Variants in ANKS1B observed in about 807,000 individuals in gnomAD.
ANKS1B encodes ankyrin repeat and sterile alpha motif domain containing 1B.
ANKS1B carries 36 observed loss-of-function variants against 148.3 expected under a neutral mutation model. The observed-to-expected ratio is 0.24, with a 90% CI of 0.19 to 0.32. The LOEUF (loss-of-function observed/expected upper bound fraction) is 0.32, where lower values mean the gene tolerates loss of function less well. Ranked by LOEUF, ANKS1B falls within the 10% of genes least tolerant of loss-of-function variation. The pLI, the probability that ANKS1B is intolerant of heterozygous loss-of-function variation, is 1.00. For missense variants in ANKS1B, 1,157 were observed against 1,542.6 expected (o/e 0.75, Z 4.19); for synonymous variants, 542 against 560.8 (o/e 0.97, Z 0.47).
At chr12:99,030,802 A>G (rs1165627381) in intron 17 of ANKS1B, among the ~76,000 whole-genome samples, 1 of 152,200 alleles carries the variant, frequency 6.6e-6, no homozygotes, top group South Asian at 2.1e-4. Flanking sequence ...TGATTATCGA[A>G]CTGAATTGAT....
chr12:99,730,958 T>G (rs574809891), intron 8 of ANKS1B, among the ~76,000 whole-genome samples: 1 of 152,302 alleles, frequency 6.6e-6, no homozygotes, highest in Admixed American at 6.5e-5. Flanking sequence ...GTTTTTGAGA[T>G]AGAGTTTCCC....
intron 14 of ANKS1B, among the ~76,000 whole-genome samples, chr12:99,184,893 T>C (rs2079606160): frequency 6.6e-6 from 1 of 152,220 alleles, no homozygotes; most frequent in South Asian, 2.1e-4. Context: ...ATTGCTCTGG[T>C]TAAATGGAAA....
intron 7 of ANKS1B, among the ~76,000 whole-genome samples, chr12:99,775,166 AT>A (rs1490606609): frequency 6.6e-6 from 1 of 152,174 alleles, no homozygotes; most frequent in Non-Finnish European, 1.5e-5. Context: ...AAAATAAAAA[AT>A]AAAAAATACT....
intron 9 of ANKS1B, among the ~76,000 whole-genome samples, chr12:99,617,459 T>C (rs1236263005): frequency 6.6e-6 from 1 of 151,996 alleles, no homozygotes; most frequent in East Asian, 1.9e-4. Flanking sequence ...TATGCAGCCA[T>C]AAAAAAATGA....
At chr12:99,465,377 GCAT>G (rs1372279241) in intron 10 of ANKS1B, among the ~76,000 whole-genome samples, 1 of 152,190 alleles carries the variant, frequency 6.6e-6, no homozygotes, top group African/African-American at 2.4e-5. Context: ...GGAAGAAACT[GCAT>G]CAACTAACGA....
intron 22 of ANKS1B, among the ~76,000 whole-genome samples, chr12:98,783,490 T>C (rs56199185): frequency 0.019 from 2,859 of 152,288 alleles, 47 homozygotes; most frequent in Non-Finnish European, 0.032. Context: ...AGGAGCAATA[T>C]GAACAACATG....
At chr12:98,903,928 A>G (rs939259007) in intron 17 of ANKS1B, among the ~76,000 whole-genome samples, 7 of 152,286 alleles carry the variant, frequency 4.6e-5, no homozygotes, top group Admixed American at 1.3e-4. Flanking sequence ...TTTTTCTTAT[A>G]TCAAGTGAAG....
chr12:99,241,918 T>C (rs997374412), intron 14 of ANKS1B, among the ~76,000 whole-genome samples: 1 of 152,182 alleles, frequency 6.6e-6, no homozygotes, highest in Non-Finnish European at 1.5e-5. Context: ...AAGAGCTATT[T>C]ATGACAAACC....
intron 14 of ANKS1B, among the ~76,000 whole-genome samples, chr12:99,162,799 C>A (rs2076797510): frequency 1.3e-5 from 2 of 152,194 alleles, no homozygotes; most frequent in South Asian, 4.1e-4. Flanking sequence ...TGGTGGCTCA[C>A]GCCTAATCTC....
At chr12:99,416,443 T>C (rs185255239) in intron 11 of ANKS1B, among the ~76,000 whole-genome samples, 1 of 152,246 alleles carries the variant, frequency 6.6e-6, no homozygotes, top group African/African-American at 2.4e-5. Flanking sequence ...TTTTCCAAAA[T>C]TGCTGTACAA....
intron 15 of ANKS1B, among the ~76,000 whole-genome samples, chr12:99,128,029 T>C (rs1276240022): frequency 6.6e-6 from 1 of 152,194 alleles, no homozygotes; most frequent in Non-Finnish European, 1.5e-5. Context: ...TTGAACGACC[T>C]TGGGCAAGTT....
intron 9 of ANKS1B, among the ~76,000 whole-genome samples, chr12:99,651,874 T>A (rs868080410): frequency 3.3e-5 from 5 of 151,860 alleles, no homozygotes; most frequent in African/African-American, 7.2e-5. Flanking sequence ...AAAAACCAGA[T>A]GAATTAAAAA....
At chr12:99,977,428 T>A (rs1356091946) in intron 1 of ANKS1B, among the ~76,000 whole-genome samples, 3 of 152,160 alleles carry the variant, frequency 2.0e-5, no homozygotes, top group African/African-American at 7.2e-5. Context: ...CGATTACAGG[T>A]GTGAGCCACC....
intron 9 of ANKS1B, among the ~76,000 whole-genome samples, chr12:99,592,395 T>G (rs1022803033): frequency 6.6e-6 from 1 of 151,876 alleles, no homozygotes; most frequent in Non-Finnish European, 1.5e-5. Flanking sequence ...AGGTCACTAT[T>G]GGATGGTAAG....
intron 9 of ANKS1B, among the ~76,000 whole-genome samples, chr12:99,583,990 G>A (rs1470571181): frequency 6.6e-6 from 1 of 152,192 alleles, no homozygotes; most frequent in Non-Finnish European, 1.5e-5. Flanking sequence ...CTGAAAAAAT[G>A]AAGTGTATCA....
At chr12:99,944,232 A>C (rs1025898126) in intron 1 of ANKS1B, among the ~76,000 whole-genome samples, 3 of 152,194 alleles carry the variant, frequency 2.0e-5, no homozygotes, top group African/African-American at 7.2e-5. Context: ...CAATAAGGGA[A>C]TTCTTGGGCC....
intron 12 of ANKS1B, among the ~76,000 whole-genome samples, chr12:99,392,731 C>T (rs964418626): frequency 6.6e-6 from 1 of 152,184 alleles, no homozygotes; most frequent in Non-Finnish European, 1.5e-5. Context: ...GAGTTCAGAA[C>T]TCATAAATTC....
At chr12:99,201,921 C>CTTCATTCATTCATTCATTCA (rs150033450) in intron 14 of ANKS1B, among the ~76,000 whole-genome samples, 53 of 151,234 alleles carry the variant, frequency 3.5e-4, no homozygotes, top group Admixed American at 2.9e-3. Flanking sequence ...TAATATTTGA[C>CTTCATTCATTCATTCATTCA]TTCATTCATT....
chr12:98,761,875 C>G (rs2098412651), intron 25 of ANKS1B, among the ~76,000 whole-genome samples: 1 of 152,214 alleles, frequency 6.6e-6, no homozygotes, highest in South Asian at 2.1e-4. Flanking sequence ...GGCTGGGAGG[C>G]TGCTCTTTCT....
Sources: allele counts gnomAD v4.1 joint callset (sites outside exome capture counted in the v4.1 genomes callset), GRCh38; gene constraint gnomAD v4.1.1; transcripts MANE v1.5; gene names NCBI Gene and HGNC (gene_info 2026-07-23, HGNC 2026-07-21).